Variants in EPHA6 observed in about 807,000 individuals in gnomAD.
EPHA6 encodes the protein ephrin type-A receptor 6.
A neutral mutation model predicts 112.0 loss-of-function variants in EPHA6; 50 were observed. The ratio of observed to expected loss-of-function variants is 0.45; its 90% CI spans 0.36 to 0.56. The LOEUF (loss-of-function observed/expected upper bound fraction) is 0.56, where lower values mean the gene tolerates loss of function less well. Among genes scored for constraint, EPHA6 ranks in the 20% least tolerant of loss-of-function variants. The pLI is 0.00. For synonymous variants in EPHA6, 529 were observed against 490.7 expected (o/e 1.08, Z -1.03); for missense variants, 1,280 against 1,417.4 (o/e 0.90, Z 1.56).
chr3:97,323,291 T>A (rs2082208728), intron 5 of EPHA6, among the ~76,000 whole-genome samples: 1 of 151,970 alleles, frequency 6.6e-6, no homozygotes, highest in Non-Finnish European at 1.5e-5. Context: ...TTGAGAATAA[T>A]TTTATTCTGA....
chr3:97,166,588 G>C (rs2076548947), intron 3 of EPHA6, among the ~76,000 whole-genome samples: 1 of 152,076 alleles, frequency 6.6e-6, no homozygotes, highest in Admixed American at 6.6e-5. Context: ...AAGAATCTTT[G>C]GAAGAATGTT....
chr3:96,921,136 C>T (rs980860289), intron 2 of EPHA6, among the ~76,000 whole-genome samples: 2 of 151,946 alleles, frequency 1.3e-5, no homozygotes, highest in African/African-American at 2.4e-5. Flanking sequence ...GGAAAATACA[C>T]GTAGCAAAAA....
intron 12 of EPHA6, among the ~76,000 whole-genome samples, chr3:97,597,214 C>G (rs1423010351): frequency 6.6e-6 from 1 of 151,888 alleles, no homozygotes; most frequent in Non-Finnish European, 1.5e-5. Context: ...CTGAGGTACC[C>G]TCTCTGTTTG....
chr3:97,365,156 T>C lies in EPHA6; in HGVS notation c.1607-39994T>C, dbSNP rs146502363. On this transcript the variant is annotated intron_variant, in intron 5 of 17. Transcript: ENST00000389672. ...AGGCAAATGAATATCTCTTAAATTT[T>C]GTGTAAGAAGCTATTATCATAATCA... Among the ~76,000 whole-genome samples the C allele has an allele frequency of 9.3e-3, 1,421 of 152,330 alleles. 24 individuals are homozygous for C. Among genetic ancestry groups the C allele is most frequent in the African/African-American group, 0.031 (1,285 of 41,586 alleles).
At chr3:96,924,419 G>A (rs541904904) in intron 2 of EPHA6, among the ~76,000 whole-genome samples, 23 of 152,226 alleles carry the variant, frequency 1.5e-4, no homozygotes, top group African/African-American at 5.3e-4. Context: ...GTGAATGGGA[G>A]TTCATTCATG....
intron 3 of EPHA6, among the ~76,000 whole-genome samples, chr3:97,038,523 G>A (rs2045194110): frequency 6.6e-6 from 1 of 152,060 alleles, no homozygotes; most frequent in South Asian, 2.1e-4. Flanking sequence ...AGTCTATTGT[G>A]TATATGTGAC....
At chr3:97,392,386 G>A (rs1270767192) in intron 5 of EPHA6, among the ~76,000 whole-genome samples, 5 of 151,356 alleles carry the variant, frequency 3.3e-5, no homozygotes, top group Non-Finnish European at 7.4e-5. Context: ...AAGCTAGCAT[G>A]GTAAATTGCT....
Position 97,611,426 on chromosome 3 carries a change from T to C in EPHA6, c.2574+572T>C, listed in dbSNP as rs540089199. ...TTAAAGTGATTTATCTTTAAAAGTA[T>C]AGTATATACGAAAAGTAATTTATTA... On this transcript the variant is annotated intron_variant, in intron 13 of 17. Transcript: ENST00000389672. Among the ~76,000 whole-genome samples the C allele has an allele frequency of 2.0e-5, 3 of 152,036 alleles. No individual in the cohort carries two copies. In the South Asian group the frequency reaches 6.2e-4, roughly 31 times the overall value.
At chr3:96,968,243 T>G (rs1454263993) in intron 2 of EPHA6, among the ~76,000 whole-genome samples, 1 of 151,796 alleles carries the variant, frequency 6.6e-6, no homozygotes, top group Non-Finnish European at 1.5e-5. Flanking sequence ...GGTAACCATA[T>G]CTAATTATGT....
At chr3:96,951,102 T>A (rs1215792137) in intron 2 of EPHA6, among the ~76,000 whole-genome samples, 1 of 152,136 alleles carries the variant, frequency 6.6e-6, no homozygotes, top group Non-Finnish European at 1.5e-5. Flanking sequence ...TTACAGATTT[T>A]ATTTTCAAGA....
chr3:97,196,640 C>T (rs906889721), intron 3 of EPHA6, among the ~76,000 whole-genome samples: 8 of 151,848 alleles, frequency 5.3e-5, no homozygotes, highest in East Asian at 2.0e-4. Flanking sequence ...AAGTATTCAA[C>T]GGGAATTGAG....
At chr3:96,880,590 A>G (rs2037254128) in intron 2 of EPHA6, among the ~76,000 whole-genome samples, 1 of 152,158 alleles carries the variant, frequency 6.6e-6, no homozygotes, top group African/African-American at 2.4e-5. Flanking sequence ...ACAACTCAGT[A>G]TCATTTAGCA....
intron 11 of EPHA6, among the ~76,000 whole-genome samples, chr3:97,533,792 A>G (rs1187096187): frequency 6.6e-6 from 1 of 152,076 alleles, no homozygotes; most frequent in Non-Finnish European, 1.5e-5. Flanking sequence ...AAAGAAGAGA[A>G]CTGAGGTGAT....
At chr3:97,013,257 A>C (rs999870107) in intron 3 of EPHA6, among the ~76,000 whole-genome samples, 2 of 152,154 alleles carry the variant, frequency 1.3e-5, no homozygotes, top group Non-Finnish European at 2.9e-5. Context: ...TTGTTTAAAA[A>C]AGTGTGAGTT....
intron 5 of EPHA6, among the ~76,000 whole-genome samples, chr3:97,257,632 CT>C (rs1007019488): frequency 6.6e-6 from 1 of 151,974 alleles, no homozygotes; most frequent in African/African-American, 2.4e-5. Flanking sequence ...GTATCTAGCA[CT>C]TTAAAATTAT....
intron 3 of EPHA6, among the ~76,000 whole-genome samples, chr3:97,113,933 T>G (rs2047804297): frequency 6.6e-6 from 1 of 152,188 alleles, no homozygotes; most frequent in South Asian, 2.1e-4. Flanking sequence ...CTTTTATAGA[T>G]TAAGTCTAGT....
At chr3:97,131,457 A>C (rs1047610564) in intron 3 of EPHA6, among the ~76,000 whole-genome samples, 1 of 152,138 alleles carries the variant, frequency 6.6e-6, no homozygotes, top group African/African-American at 2.4e-5. Context: ...AAACAATTGT[A>C]ATAGGAGTTA....
intron 2 of EPHA6, among the ~76,000 whole-genome samples, chr3:96,921,702 G>A (rs1038698173): frequency 2.6e-5 from 4 of 151,760 alleles, no homozygotes; most frequent in Non-Finnish European, 5.9e-5. Flanking sequence ...CAACTAGCTG[G>A]TACTACAGGC....
At chr3:97,569,959 T>A (rs1367556016) in intron 11 of EPHA6, 1 of 152,246 alleles carries the variant, frequency 6.6e-6, no homozygotes. Context: ...TAAGTCACCA[T>A]AGTTCTTATT....
Sources: allele counts gnomAD v4.1 joint callset (sites outside exome capture counted in the v4.1 genomes callset), GRCh38; gene constraint gnomAD v4.1.1; transcripts MANE v1.5; gene names NCBI Gene and HGNC (gene_info 2026-07-23, HGNC 2026-07-21).